AP1M2: variants seen among roughly 807,000 people sequenced by gnomAD.
AP1M2 encodes the protein AP-1 complex subunit mu-2.
Under a neutral mutation model 54.6 loss-of-function variants are expected in AP1M2, and 41 were observed. The ratio of observed to expected loss-of-function variants is 0.75; its 90% confidence interval spans 0.59 to 0.97. The LOEUF (loss-of-function observed/expected upper bound fraction) is 0.97, where lower values mean the gene tolerates loss of function less well. AP1M2 is among the 50% of genes least tolerant of loss of function. AP1M2 has a pLI of 0.00. For missense variants in AP1M2, 507 were observed against 561.2 expected (o/e 0.90, Z 0.98); for synonymous variants, 219 against 215.9 (o/e 1.01, Z -0.13).
At chr19:10,585,357 T>C (rs1055218951) in intron 1 of AP1M2, among the ~76,000 whole-genome samples, 2 of 117,600 alleles carry the variant, frequency 1.7e-5, no homozygotes, top group East Asian at 5.7e-4. Flanking sequence ...GAAAGAAAGA[T>C]GACAGTTCAT....
chr19:10,585,319 G>GA (rs1271521261), intron 1 of AP1M2, among the ~76,000 whole-genome samples: 4 of 140,674 alleles, frequency 2.8e-5, no homozygotes. Flanking sequence ...AAGAAAGAAA[G>GA]AAAGAAAGAA....
In AP1M2 at chr19:10,578,981, GGA is replaced by G; in HGVS notation, c.817-20_817-19del. 6.3e-7 allele frequency: 1 copy of G among 1,579,866 alleles called. No homozygotes were observed. The highest frequency in any genetic ancestry group is 8.6e-7 in the Non-Finnish European group (1 of 1,158,664). On this transcript the variant is annotated intron_variant, in intron 7 of 11. Coordinates refer to ENST00000250244, the MANE Select transcript of AP1M2 (RefSeq NM_005498.5). ...GGCTTGACCTGTGGGAAGAAGAAGG[GGA>G]GAGTTCTTGGAGACTCCATGTTGAC...
Position 10,579,705 on chromosome 19 carries a change from C to T in AP1M2, c.816+11G>A, listed in dbSNP as rs374839603. On this transcript the variant is annotated intron_variant, in intron 7 of 11. Coordinates refer to ENST00000250244, the MANE Select transcript of AP1M2 (RefSeq NM_005498.5). ...CCTACTCCACCCAGATGGGGCTGGA[C>T]CCTGCCTCACCTGGGTGCTGAGGCG... 6 of 1,610,108 alleles carry T rather than the reference C, an allele frequency of 3.7e-6. No individual in the cohort carries two copies. The African/African-American group carries it at 8.0e-5, about 22-fold the overall frequency.
In AP1M2 at chr19:10,575,021, C is replaced by T; in HGVS notation, c.1056G>A (p.Lys352=). The T allele has an allele frequency of 6.6e-7, 1 of 1,517,734 alleles. No homozygotes were observed. Among genetic ancestry groups the T allele is most frequent in the South Asian group, 1.3e-5 (1 of 78,078 alleles). 94.0% of individuals were successfully genotyped at this position (1,517,734 alleles called of 1,614,324 possible). The stretch of plus-strand genomic sequence containing the variant: ...CAAAGTGGGCTCGCATCAAGTACTC[C>T]TTGCCCCCCTGAGGGAACATGGGGG... The part of the protein sequence containing the change: ...IWSIKSFPGG[K]EYLMRAHFGL... The change falls in exon 10 of 12, where the codon AAG becomes AAA. Residue 352 remains lysine, a synonymous_variant. Transcript: ENST00000250244.
At chr19:10,577,823 G>A (rs371806617) in intron 8 of AP1M2, among the ~76,000 whole-genome samples, 148 of 146,806 alleles carry the variant, frequency 1.0e-3, no homozygotes, top group African/African-American at 3.5e-3. Flanking sequence ...GGCAACCTCC[G>A]CCTCCTGGGT....
chr19:10,581,423 G>A, intron 5 of AP1M2, 31 bp from the exon 6 acceptor site: 1 of 1,609,948 alleles, frequency 6.2e-7, no homozygotes, highest in Non-Finnish European at 8.5e-7. Flanking sequence ...TAGTTAGCAG[G>A]CATCAAACTC....
intron 8 of AP1M2, among the ~76,000 whole-genome samples, chr19:10,577,786 G>C (rs539884489): frequency 6.7e-6 from 1 of 148,580 alleles, no homozygotes; most frequent in African/African-American, 2.5e-5. Context: ...ACCCAGGCTG[G>C]AGTGCAGTGG....
chr19:10,579,859 C>G lies in AP1M2; in HGVS notation c.674-1G>C, dbSNP rs1424872297. 6.2e-7 allele frequency: 1 copy of G among 1,606,716 alleles called. No homozygotes were observed. Among genetic ancestry groups the G allele is most frequent in the South Asian group, 1.1e-5 (1 of 90,012 alleles). On this transcript the variant is annotated splice_acceptor_variant, in intron 6 of 11. Transcript: ENST00000250244. LOFTEE classifies it high-confidence loss of function. ...AGCTCTACTGATTTGTTCTTGCTGCCTGAAACTCAGAGTGGAGAGTGGAGA... is the reference window on the plus strand; with the variant it reads ...AGCTCTACTGATTTGTTCTTGCTGCGTGAAACTCAGAGTGGAGAGTGGAGA...
chr19:10,576,465 T>C (rs1917237722), intron 9 of AP1M2, among the ~76,000 whole-genome samples: 1 of 151,874 alleles, frequency 6.6e-6, no homozygotes, highest in African/African-American at 2.4e-5. Context: ...GGTTTCACCA[T>C]GTTAGCCAGG....
chr19:10,584,034 T>C lies in AP1M2; in HGVS notation c.79A>G (p.Met27Val), dbSNP rs572721082. 2.1e-4 allele frequency: 337 copies of C among 1,611,148 alleles called. 5 individuals are homozygous for C. In the South Asian group the frequency reaches 3.5e-3, roughly 17 times the overall value. Residue 27 changes from methionine to valine, a missense_variant, in exon 2 of 12, where the codon ATG becomes GTG. Physicochemically the swap from Met to Val is conservative, Grantham distance 21. Coordinates refer to ENST00000250244, the MANE Select transcript of AP1M2 (RefSeq NM_005498.5). ...ISRNYKGDVA[M>V]SKIEHFMPLL... ...GGCATGAAGTGCTCAATCTTGCTCA[T>C]GGCCACATCGCCCTTGTAGTTGCGG...
In AP1M2 at chr19:10,574,888, T is replaced by C. The variant is rs767976584; in HGVS notation, c.1173+16A>G. ...CCGAAGTCAAGGGGAGGATCCTCCC[T>C]GCCTGCTTCTCTCACCTGGATCCCA... On this transcript the variant is annotated intron_variant, in intron 10 of 11. Transcript: ENST00000250244. The C allele has an allele frequency of 1.3e-6, 2 of 1,598,198 alleles. No individual in the cohort carries two copies. Among genetic ancestry groups the C allele is most frequent in the South Asian group, 2.2e-5 (2 of 88,992 alleles).
intron 1 of AP1M2, among the ~76,000 whole-genome samples, chr19:10,585,337 A>AAG (rs1252432417): frequency 1.3e-5 from 2 of 150,282 alleles, no homozygotes; most frequent in African/African-American, 5.0e-5. Flanking sequence ...GAAAGAAAGA[A>AAG]AGAAAGAAAG....
intron 7 of AP1M2, among the ~76,000 whole-genome samples, chr19:10,579,437 A>T (rs12462978): frequency 0.5 from 75,240 of 151,854 alleles, 20,019 homozygotes; most frequent in East Asian, 0.76. Flanking sequence ...AATAATAAAA[A>T]TTAAAAAAAA....
rs35697396 is a variant in AP1M2 at position 10,573,660 on chromosome 19, C to CTTT, written c.1250-575_1250-573dup. ...TGACAACTGTCCCTGCTTTTTTTTCCTTTTTTTTTTTTTTTTTTTTTGAGC... is the reference window on the plus strand; with the variant it reads ...TGACAACTGTCCCTGCTTTTTTTTCCTTTTTTTTTTTTTTTTTTTTTTTTGAGC... On this transcript the variant is annotated intron_variant, in intron 11 of 11. Transcript: ENST00000250244. Among the ~76,000 whole-genome samples, 394 of 109,426 alleles carry CTTT rather than the reference C, an allele frequency of 3.6e-3. 6 individuals carry two copies. Among genetic ancestry groups the CTTT allele is most frequent in the East Asian group, 0.021 (67 of 3,186 alleles). 71.8% of individuals were successfully genotyped at this position (109,426 alleles called of 152,430 possible).
At chr19:10,576,831 C>T (rs1255296790) in intron 9 of AP1M2, among the ~76,000 whole-genome samples, 4 of 152,022 alleles carry the variant, frequency 2.6e-5, no homozygotes, top group African/African-American at 7.2e-5. Context: ...CTCAGTGTCC[C>T]GAGTGGCTGG....
intron 7 of AP1M2, among the ~76,000 whole-genome samples, chr19:10,579,373 G>A (rs556196312): frequency 1.4e-4 from 22 of 152,120 alleles, no homozygotes; most frequent in African/African-American, 4.6e-4. Flanking sequence ...CCGAGATAGC[G>A]CTACTGCACT....
At chr19:10,574,800 G>GTGT in intron 10 of AP1M2, 104 bp downstream of exon 10, 1 of 1,397,310 alleles carries the variant, frequency 7.2e-7, no homozygotes, top group South Asian at 1.5e-5. Flanking sequence ...CTTCAGAGGA[G>GTGT]TGTTGACACA....
chr19:10,577,109 C>G, intron 9 of AP1M2, 89 bp downstream of exon 9: 1 of 1,434,016 alleles, frequency 7.0e-7, no homozygotes, highest in Non-Finnish European at 9.6e-7. Flanking sequence ...CTGATTTGTT[C>G]TCTGCCTTGT....
chr19:10,577,734 C>CTTTTTT (rs61052727), intron 8 of AP1M2, among the ~76,000 whole-genome samples: 1 of 113,518 alleles, frequency 8.8e-6, no homozygotes, highest in Admixed American at 9.8e-5. Context: ...CATGCTTGGC[C>CTTTTTT]TTTTTTTTTT....
Sources: allele counts gnomAD v4.1 joint callset (sites outside exome capture counted in the v4.1 genomes callset), GRCh38; gene constraint gnomAD v4.1.1; transcripts MANE v1.5; gene names NCBI Gene and HGNC (gene_info 2026-07-23, HGNC 2026-07-21).